GPM6A: variants seen among roughly 807,000 people sequenced by gnomAD.
GPM6A encodes the protein glycoprotein M6A, also known as neuronal membrane glycoprotein M6-a.
GPM6A carries 7 observed loss-of-function variants against 32.1 expected under a neutral mutation model. The observed-to-expected ratio is 0.22, with a 90% CI of 0.12 to 0.41. The LOEUF is 0.41. Ranked by LOEUF, GPM6A falls within the 10% of genes least tolerant of loss-of-function variation. The pLI is 1.00. For synonymous variants in GPM6A, 130 were observed against 123.4 expected, an observed-to-expected ratio of 1.05 and a Z score of -0.35; for missense variants, 235 against 347.2, an observed-to-expected ratio of 0.68 and a Z score of 2.57.
chr4:175,811,923 G>T (rs1005844270), intron 1 of GPM6A: 2 of 303,308 alleles, frequency 6.6e-6, no homozygotes, highest in Non-Finnish European at 1.2e-5. Context: ...ACAAAGACTG[G>T]TCTAAGGAAT....
At chr4:175,848,002 A>G (rs1353889862) in intron 1 of GPM6A, among the ~76,000 whole-genome samples, 1 of 152,164 alleles carries the variant, frequency 6.6e-6, no homozygotes, top group African/African-American at 2.4e-5. Context: ...ACAAAGTACA[A>G]TGTTCTGCAA....
At position 175,861,461 on chromosome 4, in the gene GPM6A, A is replaced by T. The variant is rs367647808; in HGVS notation, c.-22-49212T>A. Among the ~76,000 whole-genome samples the T allele has an allele frequency of 2.1e-3, 321 of 151,938 alleles. 11 individuals are homozygous for T. In the South Asian group the frequency reaches 0.063, roughly 30 times the overall value. On this transcript the variant is annotated intron_variant, in intron 1 of 7. Transcript: ENST00000280187. The stretch of plus-strand genomic sequence containing the variant: ...AAAAAAAAAAACAACTTTGAATCAG[A>T]TATATACTGGCCAGGCACAGTGGTT...
intron 1 of GPM6A, among the ~76,000 whole-genome samples, chr4:175,972,233 T>A (rs896490350): frequency 2.6e-5 from 4 of 152,182 alleles, no homozygotes; most frequent in Admixed American, 6.5e-5. Flanking sequence ...TTTAAAAAAA[T>A]TTGTGATGTA....
chr4:175,763,514 T>C (rs146489782), intron 1 of GPM6A, among the ~76,000 whole-genome samples: 66 of 152,272 alleles, frequency 4.3e-4, no homozygotes, highest in African/African-American at 1.6e-3. Context: ...CCAATGAAAA[T>C]TAATTTTATT....
intron 3 of GPM6A, among the ~76,000 whole-genome samples, chr4:175,664,055 C>G (rs115537088): frequency 6.6e-6 from 1 of 151,904 alleles, no homozygotes; most frequent in Non-Finnish European, 1.5e-5. Flanking sequence ...TGCGGAGGAA[C>G]CTTAAATGCA....
intron 1 of GPM6A, among the ~76,000 whole-genome samples, chr4:175,772,967 C>T (rs894079012): frequency 6.6e-6 from 1 of 152,172 alleles, no homozygotes; most frequent in African/African-American, 2.4e-5. Context: ...AGGTCTTGGC[C>T]AGGGCCATTG....
chr4:175,969,253 A>G (rs1392770850), intron 1 of GPM6A, among the ~76,000 whole-genome samples: 1 of 152,200 alleles, frequency 6.6e-6, no homozygotes, highest in African/African-American at 2.4e-5. Context: ...GCAGAGGTCT[A>G]GTACAAGGAG....
chr4:175,962,421 A>G, intron 1 of GPM6A: 1 of 714,718 alleles, frequency 1.4e-6, no homozygotes, highest in South Asian at 1.4e-5. Context: ...GTGGGAGCAA[A>G]AGCAAGCCTG....
chr4:175,768,699 A>G (rs1053316733), intron 1 of GPM6A, among the ~76,000 whole-genome samples: 1 of 152,144 alleles, frequency 6.6e-6, no homozygotes, highest in Non-Finnish European at 1.5e-5. Flanking sequence ...CTTCACATGT[A>G]TCACCAAAGT....
At chr4:175,744,909 T>C (rs1043114338) in intron 1 of GPM6A, among the ~76,000 whole-genome samples, 2 of 152,182 alleles carry the variant, frequency 1.3e-5, no homozygotes, top group Non-Finnish European at 2.9e-5. Context: ...GAATTATGTG[T>C]ATTTATTGCA....
At position 175,917,484 on chromosome 4, in the gene GPM6A, C is replaced by CA. The variant is rs1002191480; in HGVS notation, c.-23+84824dup. On this transcript the variant is annotated intron_variant, in intron 1 of 7. Coordinates refer to the GPM6A transcript ENST00000280187. ...CTTGAGATAGCAAAAGAATTCCTAT[C>CA]AAAAAAAGGTAACATATGACCTAAC... 5.2e-4 allele frequency among the ~76,000 whole-genome samples: 79 copies of CA among 152,046 alleles called. 1 individual carries two copies. The highest frequency in any genetic ancestry group is 3.4e-3 in the Middle Eastern group (1 of 294).
intron 1 of GPM6A, among the ~76,000 whole-genome samples, chr4:175,925,725 ACTAGTTT>A (rs1738815554): frequency 1.3e-5 from 2 of 152,134 alleles, no homozygotes; most frequent in South Asian, 4.1e-4. Flanking sequence ...CTGCATCCAA[ACTAGTTT>A]CTAGTTTCAA....
chr4:175,870,406 A>C (rs1331153509), intron 1 of GPM6A, among the ~76,000 whole-genome samples: 1 of 152,190 alleles, frequency 6.6e-6, no homozygotes, highest in African/African-American at 2.4e-5. Flanking sequence ...TTCAACCATC[A>C]GGTTTCCTTT....
At chr4:175,932,365 T>C (rs1739079154) in intron 1 of GPM6A, among the ~76,000 whole-genome samples, 1 of 152,148 alleles carries the variant, frequency 6.6e-6, no homozygotes, top group Non-Finnish European at 1.5e-5. Flanking sequence ...TCAGCATTTC[T>C]TCCCTCCAGA....
chr4:176,001,255 G>A (rs1741468793), intron 1 of GPM6A, among the ~76,000 whole-genome samples: 1 of 152,204 alleles, frequency 6.6e-6, no homozygotes, highest in African/African-American at 2.4e-5. Context: ...CAAGGGAGAA[G>A]CAAGGGGGAG....
At chr4:175,739,052 C>T (rs1251424561) in intron 1 of GPM6A, among the ~76,000 whole-genome samples, 1 of 152,110 alleles carries the variant, frequency 6.6e-6, no homozygotes, top group Non-Finnish European at 1.5e-5. Flanking sequence ...AACTAGCAAG[C>T]ATTTGGTATA....
chr4:175,970,143 C>G (rs1268377113), intron 1 of GPM6A, among the ~76,000 whole-genome samples: 1 of 152,140 alleles, frequency 6.6e-6, no homozygotes, highest in African/African-American at 2.4e-5. Flanking sequence ...GGCAAATTAT[C>G]TGGAAATAAA....
At chr4:175,712,932 T>C (rs1244099707) in intron 1 of GPM6A, among the ~76,000 whole-genome samples, 2 of 152,170 alleles carry the variant, frequency 1.3e-5, no homozygotes, top group Non-Finnish European at 2.9e-5. Context: ...CATCCAATAT[T>C]GTGATATCTT....
intron 1 of GPM6A, among the ~76,000 whole-genome samples, chr4:175,986,552 T>C (rs1040387834): frequency 2.8e-4 from 42 of 152,164 alleles, no homozygotes; most frequent in Non-Finnish European, 3.8e-4. Flanking sequence ...ACTCCACCTC[T>C]ACAAACAAGA....
Sources: allele counts gnomAD v4.1 joint callset (sites outside exome capture counted in the v4.1 genomes callset), GRCh38; gene constraint gnomAD v4.1.1; transcripts MANE v1.5; gene names NCBI Gene and HGNC (gene_info 2026-07-23, HGNC 2026-07-21).